The following TPX2 variants were observed in gnomAD, a reference collection of about 807,000 sequenced individuals.
TPX2 encodes targeting protein for Xklp2.
TPX2 carries 21 observed loss-of-function variants against 93.6 expected under a neutral mutation model. The observed-to-expected ratio is 0.22, with a 90% CI of 0.16 to 0.32. TPX2 has a LOEUF of 0.32. Ranked by LOEUF, TPX2 falls within the 10% of genes least tolerant of loss-of-function variation. The pLI is 1.00. For synonymous variants in TPX2, 281 were observed against 298.3 expected, an observed-to-expected ratio of 0.94 and a Z score of 0.60; for missense variants, 776 against 871.1, an observed-to-expected ratio of 0.89 and a Z score of 1.37.
intron 5 of TPX2, among the ~76,000 whole-genome samples, chr20:31,767,805 G>A (rs1328846257): frequency 6.6e-6 from 1 of 152,060 alleles, no homozygotes; most frequent in Non-Finnish European, 1.5e-5. Flanking sequence ...ACCCACCTAT[G>A]CCTCCCAAAG....
In TPX2 at chr20:31,794,283, C is replaced by A. The variant is rs2062121061; in HGVS notation, c.1687-119C>A. On this transcript the variant is annotated intron_variant, in intron 14 of 17. Coordinates refer to ENST00000300403, the MANE Select transcript of TPX2 (RefSeq NM_012112.5). ...TTTCCTTTTGAACCCATTATTCATTCTTTCATGCTGCTTTGAAAGGTTTCC... is the reference window on the plus strand; with the variant it reads ...TTTCCTTTTGAACCCATTATTCATTATTTCATGCTGCTTTGAAAGGTTTCC... The A allele has an allele frequency of 2.9e-6, 4 of 1,367,946 alleles. No homozygotes were observed. In the East Asian group the frequency reaches 7.1e-5, roughly 24 times the overall value. The allele number at this position is 1,367,946 out of a possible 1,614,324, so 84.7% of individuals were successfully genotyped here.
At chr20:31,758,806 C>T (rs370733200) in intron 3 of TPX2, among the ~76,000 whole-genome samples, 59 of 152,204 alleles carry the variant, frequency 3.9e-4, no homozygotes, top group Middle Eastern at 3.4e-3. Flanking sequence ...AGCTGTCCTG[C>T]GGGGATCTTC....
At position 31,776,071 on chromosome 20, in the gene TPX2, T is replaced by G. The variant is rs1293107893; in HGVS notation, c.730+83T>G. 12 of 512,938 alleles carry G rather than the reference T, an allele frequency of 2.3e-5. No individual in the cohort carries two copies. In the African/African-American group the frequency reaches 6.1e-4, roughly 26 times the overall value. 31.8% of individuals were successfully genotyped at this position (512,938 alleles called of 1,614,324 possible). On this transcript the variant is annotated intron_variant, in intron 8 of 17. Transcript: ENST00000300403. The stretch of plus-strand genomic sequence containing the variant: ...AGGTGTTTTTTTTTTTTTTTTTTTT[T>G]TTTTTTTTTTTTTTTTTTTTGAGAC...
intron 12 of TPX2, among the ~76,000 whole-genome samples, chr20:31,788,525 T>A (rs1467802764): frequency 6.6e-6 from 1 of 152,118 alleles, no homozygotes; most frequent in Admixed American, 6.6e-5. Flanking sequence ...TGTCTGATGC[T>A]TTTGTTCCCC....
At chr20:31,747,025 C>T (rs1483667140) in intron 2 of TPX2, among the ~76,000 whole-genome samples, 1 of 152,182 alleles carries the variant, frequency 6.6e-6, no homozygotes, top group African/African-American at 2.4e-5. Flanking sequence ...ACTTCCAGAG[C>T]GCTCTCTGTT....
At chr20:31,767,370 C>G (rs2061934517) in intron 5 of TPX2, among the ~76,000 whole-genome samples, 1 of 151,820 alleles carries the variant, frequency 6.6e-6, no homozygotes, top group South Asian at 2.1e-4. Context: ...CTTTAGCTCT[C>G]TTTTTCTTTT....
chr20:31,794,782 G>GTGTGTGTGTA (rs1555788457), intron 15 of TPX2, among the ~76,000 whole-genome samples: 138 of 151,902 alleles, frequency 9.1e-4, no homozygotes, highest in Non-Finnish European at 1.8e-3. Context: ...GTGTGTGTGT[G>GTGTGTGTGTA]TGTGTGTGTA....
rs1488709956 is a variant in TPX2, at chr20:31,752,532, AAACT to A, written c.-70-4874_-70-4871del. Among the ~76,000 whole-genome samples the A allele has an allele frequency of 2.0e-5, 3 of 152,236 alleles. No individual in the cohort carries two copies. In the East Asian group the frequency reaches 5.8e-4, roughly 29 times the overall value. On this transcript the variant is annotated intron_variant, in intron 2 of 17. Transcript: ENST00000300403. ...AGAGTTCATACTGTATAATTTAAAC[AAACT>A]GTCTTATTTATTGTGTATGATAGGA... is the stretch of plus-strand genomic sequence containing the variant.
At chr20:31,786,092 A>T (rs961696371) in intron 12 of TPX2, among the ~76,000 whole-genome samples, 2 of 152,214 alleles carry the variant, frequency 1.3e-5, no homozygotes, top group African/African-American at 4.8e-5. Context: ...TTTTACATTT[A>T]TATAATAATG....
At chr20:31,784,349 C>G (rs867860090) in intron 12 of TPX2, among the ~76,000 whole-genome samples, 10 of 152,100 alleles carry the variant, frequency 6.6e-5, no homozygotes, top group African/African-American at 2.4e-4. Flanking sequence ...CATATATTAG[C>G]CCATTAGTTT....
intron 2 of TPX2, among the ~76,000 whole-genome samples, chr20:31,744,324 G>A (rs1261850067): frequency 6.6e-6 from 1 of 151,114 alleles, no homozygotes; most frequent in Non-Finnish European, 1.5e-5. Flanking sequence ...AACCACACCC[G>A]GCTATTTTTG....
intron 1 of TPX2, among the ~76,000 whole-genome samples, chr20:31,740,909 T>C (rs1372367332): frequency 6.6e-6 from 1 of 152,232 alleles, no homozygotes; most frequent in African/African-American, 2.4e-5. Flanking sequence ...ACTATCTGAA[T>C]TGACTACAAA....
intron 4 of TPX2, among the ~76,000 whole-genome samples, chr20:31,760,547 A>G (rs2061883212): frequency 6.6e-6 from 1 of 152,122 alleles, no homozygotes; most frequent in African/African-American, 2.4e-5. Flanking sequence ...AAATTTTAGT[A>G]GAGGAGTCTT....
At position 31,745,352 on chromosome 20, in the gene TPX2, C is replaced by CA. The variant is rs1470089234; in HGVS notation, c.-71+2706dup. Among the ~76,000 whole-genome samples, 7 of 132,486 alleles carry CA rather than the reference C, an allele frequency of 5.3e-5. No individual in the cohort carries two copies. The East Asian group carries it at 1.6e-3, about 30-fold the overall frequency. 86.9% of individuals were successfully genotyped at this position (132,486 alleles called of 152,430 possible). On this transcript the variant is annotated intron_variant, in intron 2 of 17. Coordinates refer to ENST00000300403, the MANE Select transcript of TPX2 (RefSeq NM_012112.5). The stretch of plus-strand genomic sequence containing the variant: ...ACTTTTTTTTTTTTTTTTTTGGAGA[C>CA]AGAGTCTCACTCTGTCAACCAGGCT...
chr20:31,782,519 C>T, intron 11 of TPX2, 129 bp downstream of exon 11: 1 of 1,139,034 alleles, frequency 8.8e-7, no homozygotes, highest in Non-Finnish European at 1.2e-6. Flanking sequence ...GTAGGCTCTG[C>T]AGGCTACGCC....
At chr20:31,761,183 C>T (rs144828933) in intron 4 of TPX2, among the ~76,000 whole-genome samples, 164 of 150,912 alleles carry the variant, frequency 1.1e-3, no homozygotes, top group African/African-American at 3.9e-3. Flanking sequence ...CTCCTGTCAC[C>T]CCTCCTTCAA....
chr20:31,762,897 C>T (rs1303611517), intron 4 of TPX2, among the ~76,000 whole-genome samples: 1 of 152,122 alleles, frequency 6.6e-6, no homozygotes, highest in African/African-American at 2.4e-5. Context: ...CCACTTCAGC[C>T]TCCCAAAGCT....
At position 31,794,203 on chromosome 20, in the gene TPX2, G is replaced by A. The variant is rs116203304; in HGVS notation, c.1686+179G>A. Among the ~76,000 whole-genome samples, 231 of 152,306 alleles carry A rather than the reference G, an allele frequency of 1.5e-3. 2 individuals carry two copies. Among genetic ancestry groups the A allele is most frequent in the African/African-American group, 5.5e-3 (230 of 41,562 alleles). On this transcript the variant is annotated intron_variant, in intron 14 of 17. Transcript: ENST00000300403. Reference sequence around the variant, plus strand: ...TCCTTCTGGCACAAGGAGGTTAAGTGACTTGCCTCTGATCACACTGCTGGT... The same window carrying A: ...TCCTTCTGGCACAAGGAGGTTAAGTAACTTGCCTCTGATCACACTGCTGGT...
intron 2 of TPX2, among the ~76,000 whole-genome samples, chr20:31,755,592 C>T (rs1439585787): frequency 2.6e-5 from 4 of 151,638 alleles, no homozygotes; most frequent in African/African-American, 7.3e-5. Flanking sequence ...GGTGAAATCC[C>T]GTCTCTACTG....
Sources: gnomAD v4.1 joint callset for allele counts (sites outside exome capture counted in the v4.1 genomes callset) on GRCh38, gnomAD v4.1.1 for gene constraint, MANE v1.5 for transcripts, NCBI Gene and HGNC (gene_info 2026-07-23, HGNC 2026-07-21) for gene names.